The following ESR1 variants were observed in gnomAD, a reference collection of about 807,000 sequenced individuals.
ESR1 encodes estrogen receptor.
Under a neutral mutation model 52.7 loss-of-function variants are expected in ESR1, and 12 were observed. The observed-to-expected ratio is 0.23, with a 90% CI of 0.15 to 0.37. The LOEUF is 0.37. Ranked by LOEUF, ESR1 falls within the 10% of genes least tolerant of loss-of-function variation. The pLI is 1.00. For synonymous variants in ESR1, 305 were observed against 316.8 expected, an observed-to-expected ratio of 0.96 and a Z score of 0.39; for missense variants, 584 against 779.7, an observed-to-expected ratio of 0.75 and a Z score of 2.99.
At chr6:152,000,415 T>C (rs1418733439) in intron 4 of ESR1, among the ~76,000 whole-genome samples, 2 of 152,086 alleles carry the variant, frequency 1.3e-5, no homozygotes. Flanking sequence ...TTAACAGTCC[T>C]GTTGAGACAC....
At chr6:151,723,458 T>G (rs1007882335) in intron 2 of ESR1, among the ~76,000 whole-genome samples, 1 of 152,230 alleles carries the variant, frequency 6.6e-6, no homozygotes, top group Non-Finnish European at 1.5e-5. Flanking sequence ...ATTTCATTTC[T>G]GTCTTCTCAG....
At chr6:151,745,221 G>T (rs1783396970) in intron 2 of ESR1, among the ~76,000 whole-genome samples, 1 of 152,024 alleles carries the variant, frequency 6.6e-6, no homozygotes, top group Non-Finnish European at 1.5e-5. Flanking sequence ...TAATTTTACT[G>T]TGTTCCTTCT....
At chr6:152,056,575 C>A (rs1205059776) in intron 5 of ESR1, among the ~76,000 whole-genome samples, 1 of 152,152 alleles carries the variant, frequency 6.6e-6, no homozygotes, top group Non-Finnish European at 1.5e-5. Context: ...GAAAAACAGG[C>A]TTTTATTTTT....
At chr6:151,870,778 T>A (rs1049381126) in intron 2 of ESR1, among the ~76,000 whole-genome samples, 4 of 152,194 alleles carry the variant, frequency 2.6e-5, no homozygotes, top group Non-Finnish European at 5.9e-5. Context: ...CAGAAGGGAA[T>A]CTGAACAGGC....
chr6:152,084,560 G>A (rs1285413624), intron 6 of ESR1, among the ~76,000 whole-genome samples: 1 of 152,018 alleles, frequency 6.6e-6, no homozygotes, highest in Non-Finnish European at 1.5e-5. Context: ...GTCTTTATCA[G>A]CAGCGTGAAA....
At chr6:151,950,406 T>C (rs551165404) in intron 4 of ESR1, among the ~76,000 whole-genome samples, 95 of 152,250 alleles carry the variant, frequency 6.2e-4, no homozygotes, top group African/African-American at 2.2e-3. Context: ...TAGATTATGA[T>C]TGAAGTGTGT....
intron 2 of ESR1, among the ~76,000 whole-genome samples, chr6:151,790,702 A>G (rs1562408129): frequency 6.6e-6 from 1 of 152,084 alleles, no homozygotes. Context: ...CATTTTGTTT[A>G]TATACACACA....
intron 4 of ESR1, among the ~76,000 whole-genome samples, chr6:151,965,993 T>G (rs2128616296): frequency 1.8e-5 from 1 of 56,602 alleles, no homozygotes; most frequent in East Asian, 2.7e-4. Context: ...TCCTTCTGGA[T>G]CCAACTCAGC....
chr6:151,722,729 A>C (rs566098605), intron 2 of ESR1, among the ~76,000 whole-genome samples: 2 of 152,354 alleles, frequency 1.3e-5, no homozygotes, highest in South Asian at 4.1e-4. Context: ...CAGAACTTTT[A>C]AGCAAACTAA....
rs976866487 is a variant in ESR1, at chr6:152,024,619, C to A, written c.1235+12825C>A. Among the ~76,000 whole-genome samples, 3 of 147,922 alleles carry A rather than the reference C, an allele frequency of 2.0e-5. No homozygotes were observed. In the Admixed American group the frequency reaches 2.0e-4, roughly 10 times the overall value. ...TTATATTTGTGCCTATTGGATGCCACGTGCAGGGTTAAAAAATATTATACC... is the reference window on the plus strand; with the variant it reads ...TTATATTTGTGCCTATTGGATGCCAAGTGCAGGGTTAAAAAATATTATACC... On this transcript the variant is annotated intron_variant, in intron 5 of 7. Transcript: ENST00000206249.
chr6:151,904,834 A>G (rs1797199688), intron 3 of ESR1, among the ~76,000 whole-genome samples: 1 of 152,106 alleles, frequency 6.6e-6, no homozygotes. Flanking sequence ...TACTCCCAAG[A>G]TGTTGGTTTT....
intron 2 of ESR1, among the ~76,000 whole-genome samples, chr6:151,746,494 C>T (rs1480494633): frequency 6.6e-6 from 1 of 152,088 alleles, no homozygotes; most frequent in Non-Finnish European, 1.5e-5. Flanking sequence ...CTTTTTAATA[C>T]CTCAGGTGTA....
chr6:151,750,891 G>C (rs752229153), intron 2 of ESR1, among the ~76,000 whole-genome samples: 1 of 152,142 alleles, frequency 6.6e-6, no homozygotes, highest in Admixed American at 6.5e-5. Context: ...GTTTCAGAAG[G>C]CCAAGGATTA....
At chr6:151,855,932 C>T (rs899606554) in intron 2 of ESR1, among the ~76,000 whole-genome samples, 2 of 152,114 alleles carry the variant, frequency 1.3e-5, no homozygotes, top group African/African-American at 4.8e-5. Flanking sequence ...ATGCTCAATT[C>T]TGCATGTGTG....
chr6:152,029,693 T>C (rs903393039), intron 5 of ESR1, among the ~76,000 whole-genome samples: 14 of 152,266 alleles, frequency 9.2e-5, no homozygotes, highest in Non-Finnish European at 1.8e-4. Flanking sequence ...ATGGGGAGAA[T>C]GGAACCAAGT....
At chr6:151,751,768 C>G (rs76108446) in intron 2 of ESR1, among the ~76,000 whole-genome samples, 1 of 151,988 alleles carries the variant, frequency 6.6e-6, no homozygotes, top group Admixed American at 6.6e-5. Context: ...CAATATTTTC[C>G]AAAACTATAA....
At chr6:151,812,507 C>G (rs1412220047) in intron 1 of ESR1, among the ~76,000 whole-genome samples, 1 of 151,900 alleles carries the variant, frequency 6.6e-6, no homozygotes, top group Non-Finnish European at 1.5e-5. Flanking sequence ...AAGTCAAAAC[C>G]CTGATTATGT....
chr6:151,948,528 T>A (rs1389788629), intron 4 of ESR1, among the ~76,000 whole-genome samples: 2 of 152,150 alleles, frequency 1.3e-5, no homozygotes, highest in Admixed American at 1.3e-4. Flanking sequence ...AGTGGCAGCT[T>A]GGCTTCCTGT....
intron 2 of ESR1, among the ~76,000 whole-genome samples, chr6:151,740,285 A>AT (rs386408967): frequency 0.07 from 7,509 of 107,960 alleles, 495 homozygotes; most frequent in African/African-American, 0.18. Context: ...TGCCTGGCTA[A>AT]TTTTTTTTTT....
Sources: gnomAD v4.1 joint callset for allele counts (sites outside exome capture counted in the v4.1 genomes callset) on GRCh38, gnomAD v4.1.1 for gene constraint, MANE v1.5 for transcripts, NCBI Gene and HGNC (gene_info 2026-07-23, HGNC 2026-07-21) for gene names.